Variants in ADGRA1 observed in about 807,000 individuals in gnomAD.
ADGRA1 encodes G-protein coupled receptor 123.
Under a neutral mutation model 21.3 loss-of-function variants are expected in ADGRA1, and 12 were observed. The observed-to-expected ratio is 0.56, with a 90% CI of 0.36 to 0.91. The LOEUF (loss-of-function observed/expected upper bound fraction) is 0.91, where lower values mean the gene tolerates loss of function less well. ADGRA1 is among the 40% of genes least tolerant of loss of function. ADGRA1 has a pLI of 0.01. For synonymous variants in ADGRA1, 385 were observed against 368.8 expected (o/e 1.04, Z -0.50); for missense variants, 790 against 805.6 (o/e 0.98, Z 0.23).
chr10:133,115,513 G>A (rs924243268), intron 5 of ADGRA1, among the ~76,000 whole-genome samples: 16 of 152,168 alleles, frequency 1.1e-4, no homozygotes, highest in African/African-American at 2.9e-4. Context: ...GGGGTACCCC[G>A]AGAAGGGCAG....
rs1851700219 is a variant in ADGRA1 at position 133,096,984 on chromosome 10, C to T, written c.14C>T (p.Thr5Ile). 4.3e-6 allele frequency: 7 copies of T among 1,612,854 alleles called. No individual in the cohort carries two copies. Among genetic ancestry groups the T allele is most frequent in the Non-Finnish European group, 5.9e-6 (7 of 1,179,120 alleles). MDLK[T>I]VLSLPRYPGE... The stretch of plus-strand genomic sequence containing the variant: ...TTGCTTTATCCTCAGGATCTGAAGA[C>T]AGTGCTCTCCCTGCCCCGCTACCCA... Residue 5 changes from threonine (T) to isoleucine (I), a missense_variant, in exon 3 of 7, where the codon ACA becomes ATA. Coordinates refer to ENST00000392607, the MANE Select transcript of ADGRA1 (RefSeq NM_001083909.3).
intron 5 of ADGRA1, among the ~76,000 whole-genome samples, chr10:133,108,172 AC>A (rs1451710955): frequency 6.6e-6 from 1 of 152,210 alleles, no homozygotes; most frequent in African/African-American, 2.4e-5. Context: ...AGTGTGCAGG[AC>A]CTGCTGCCCT....
intron 5 of ADGRA1, 117 bp downstream of exon 5, chr10:133,102,959 C>A: frequency 8.8e-7 from 1 of 1,131,218 alleles, no homozygotes; most frequent in Non-Finnish European, 1.2e-6. Context: ...ATGATCCGGT[C>A]CATGGGGGAG....
rs1244232114 is a variant in ADGRA1, at chr10:133,127,338, AC to A, written c.500+9del. On this transcript the variant is annotated splice_region_variant and intron_variant, in intron 6 of 6. Transcript: ENST00000392607. ...AGGACGAGGACACGGCGTAGTGAGT[AC>A]CGGGCACCCAGAACCGGGAGCTGGG... 27 of 1,583,350 alleles carry A rather than the reference AC, an allele frequency of 1.7e-5. No homozygotes were observed. In the Admixed American group the frequency reaches 2.9e-4, roughly 17 times the overall value.
intron 3 of ADGRA1, among the ~76,000 whole-genome samples, chr10:133,098,310 T>C (rs1258870473): frequency 1.3e-5 from 2 of 152,140 alleles, no homozygotes; most frequent in East Asian, 3.9e-4. Context: ...GTGCGGCCTC[T>C]ATCTCTGAGA....
intron 5 of ADGRA1, among the ~76,000 whole-genome samples, chr10:133,125,590 A>ATT (rs540821955): frequency 6.8e-6 from 1 of 146,622 alleles, no homozygotes; most frequent in African/African-American, 2.5e-5. Flanking sequence ...CGCCCGGCTA[A>ATT]TTTTTTTTTT....
intron 5 of ADGRA1, among the ~76,000 whole-genome samples, chr10:133,106,227 T>TG (rs1226569516): frequency 6.6e-6 from 1 of 152,074 alleles, no homozygotes. Flanking sequence ...GCTTTGGATC[T>TG]GGGGGGCGCC....
intron 6 of ADGRA1, among the ~76,000 whole-genome samples, chr10:133,127,877 G>A (rs1208679466): frequency 1.6e-5 from 2 of 123,126 alleles, no homozygotes; most frequent in South Asian, 3.1e-4. Flanking sequence ...CTCCACCTCC[G>A]CCTGGCCCCG....
chr10:133,121,185 A>G (rs1304679254), intron 5 of ADGRA1, among the ~76,000 whole-genome samples: 1 of 152,238 alleles, frequency 6.6e-6, no homozygotes, highest in Non-Finnish European at 1.5e-5. Context: ...AAGTTGAAAT[A>G]TTTACAGAAT....
At chr10:133,109,429 C>T (rs570091774) in intron 5 of ADGRA1, among the ~76,000 whole-genome samples, 2 of 152,252 alleles carry the variant, frequency 1.3e-5, no homozygotes, top group East Asian at 1.9e-4. Context: ...TGCTTGCCCC[C>T]ACGACCACTC....
chr10:133,105,107 C>A (rs143190451), intron 5 of ADGRA1, among the ~76,000 whole-genome samples: 1 of 152,236 alleles, frequency 6.6e-6, no homozygotes. Context: ...TTATCCACGC[C>A]AGCAGAAATT....
At chr10:133,123,502 CCT>C (rs1380195465) in intron 5 of ADGRA1, among the ~76,000 whole-genome samples, 2 of 152,194 alleles carry the variant, frequency 1.3e-5, no homozygotes, top group Non-Finnish European at 1.5e-5. Flanking sequence ...CCAGTCACCC[CCT>C]GTGAGCAGCA....
At position 133,088,886 on chromosome 10, in the gene ADGRA1, C is replaced by G. The variant is rs754399453; in HGVS notation, c.-24C>G. 1.3e-5 allele frequency: 16 copies of G among 1,239,780 alleles called. No individual in the cohort carries two copies. The highest frequency in any genetic ancestry group is 1.6e-5 in the Non-Finnish European group (16 of 989,056). 76.8% of individuals were successfully genotyped at this position (1,239,780 alleles called of 1,614,324 possible). A position where few individuals can be genotyped will look rare whatever the true frequency, so the allele number is the denominator to read the frequency against. On this transcript the variant is annotated 5_prime_UTR_variant, in exon 2 of 7. Transcript: ENST00000392607. ...TGGACGCCTCCTCCAGCGGCGCTCA[C>G]GCTTCCGCAACTTTGCAGCGCTCAT...
intron 5 of ADGRA1, among the ~76,000 whole-genome samples, chr10:133,111,875 AC>A (rs1157684024): frequency 0.019 from 2,408 of 125,696 alleles, 35 homozygotes; most frequent in Middle Eastern, 0.032. Context: ...ATCCCTCCAG[AC>A]CACCTGCCCA....
At chr10:133,112,701 A>ATTTGAGGTCTGTGGGCCGTGTCG (rs1564850344) in intron 5 of ADGRA1, among the ~76,000 whole-genome samples, 1 of 20,420 alleles carries the variant, frequency 4.9e-5, no homozygotes, top group South Asian at 1.9e-3. Context: ...GGGCCACGTC[A>ATTTGAGGTCTGTGGGCCGTGTCG]GTTATTTGGG....
At chr10:133,126,876 C>T (rs1390101061) in intron 5 of ADGRA1, among the ~76,000 whole-genome samples, 1 of 152,112 alleles carries the variant, frequency 6.6e-6, no homozygotes, top group African/African-American at 2.4e-5. Context: ...CCCGGTGGGA[C>T]GCACAGCTCC....
chr10:133,102,294 C>A, intron 4 of ADGRA1: 1 of 503,034 alleles, frequency 2.0e-6, no homozygotes, highest in Non-Finnish European at 4.0e-6. Context: ...TGGCGTGACC[C>A]CACTGAGGAC....
At chr10:133,117,272 C>T (rs930319470) in intron 5 of ADGRA1, among the ~76,000 whole-genome samples, 3 of 152,362 alleles carry the variant, frequency 2.0e-5, no homozygotes, top group Admixed American at 2.0e-4. Flanking sequence ...GAGCCCACCC[C>T]TGCCCACTGC....
At position 133,129,001 on chromosome 10, in the gene ADGRA1, A is replaced by G. The variant is rs767049723; in HGVS notation, c.1173A>G (p.Pro391=). 6.4e-7 allele frequency: 1 copy of G among 1,571,206 alleles called. No homozygotes were observed. The highest frequency in any genetic ancestry group is 8.6e-7 in the Non-Finnish European group (1 of 1,158,364). ...GCTGCGCCAAGATGCACTGCGAGCC[A>G]CTGACGGCGGACGAGGCGCACGTGC... ...TPCCAKMHCE[P]LTADEAHVHL... Residue 391 remains proline (P), a synonymous_variant, in exon 7 of 7, where the codon CCA becomes CCG. Coordinates refer to ENST00000392607, the MANE Select transcript of ADGRA1 (RefSeq NM_001083909.3).
Sources: allele counts gnomAD v4.1 joint callset (sites outside exome capture counted in the v4.1 genomes callset), GRCh38; gene constraint gnomAD v4.1.1; transcripts MANE v1.5; gene names NCBI Gene and HGNC (gene_info 2026-07-23, HGNC 2026-07-21).